Variants in LRP5 observed in about 807,000 individuals in gnomAD.
The protein encoded by LRP5 is LDL receptor related protein 5.
Under a neutral mutation model 154.1 loss-of-function variants are expected in LRP5, and 62 were observed. The observed-to-expected ratio is 0.40, with a 90% CI of 0.33 to 0.50. The LOEUF is 0.50. Among genes scored for constraint, LRP5 ranks in the 20% least tolerant of loss-of-function variants. The probability of loss-of-function intolerance (pLI) is 0.55; values close to 1 mark genes in which losing one functional copy is unlikely to be tolerated. For synonymous variants in LRP5, 966 were observed against 1,011.5 expected (o/e 0.96, Z 0.85); for missense variants, 1,915 against 2,336.7 (o/e 0.82, Z 3.72).
intron 1 of LRP5, among the ~76,000 whole-genome samples, chr11:68,321,302 T>C (rs1369377898): frequency 6.6e-6 from 1 of 152,150 alleles, no homozygotes; most frequent in Non-Finnish European, 1.5e-5. Flanking sequence ...TCAGAACATA[T>C]TTTAAGATCA....
chr11:68,338,224 T>C (rs2098606805), intron 1 of LRP5, among the ~76,000 whole-genome samples: 1 of 152,096 alleles, frequency 6.6e-6, no homozygotes, highest in East Asian at 1.9e-4. Flanking sequence ...TAATGCTTGG[T>C]GAATATATAT....
rs1325090213 is a variant in LRP5 at position 68,443,886 on chromosome 11, C to T, written c.4489-2550C>T. 5.3e-5 allele frequency among the ~76,000 whole-genome samples: 8 copies of T among 151,634 alleles called. No individual in the cohort carries two copies. In the East Asian group the frequency reaches 8.0e-4, roughly 15 times the overall value. On this transcript the variant is annotated intron_variant, in intron 21 of 22. Transcript: ENST00000294304. Reference sequence around the variant, plus strand: ...GTTGGTCAGGCTGGTCTCGAACTCGCGACCTCAGGTGATCCACCCACCTCG... The same window carrying T: ...GTTGGTCAGGCTGGTCTCGAACTCGTGACCTCAGGTGATCCACCCACCTCG...
Position 68,316,688 on chromosome 11 carries a change from C to T in LRP5, c.91+3883C>T, listed in dbSNP as rs145453766. ...GGTTGGTTGCATCTCCCAGCCGGCA[C>T]GAGCAGGTCTCATGCCTCCTGCATC... On this transcript the variant is annotated intron_variant, in intron 1 of 22. Transcript: ENST00000294304. Among the ~76,000 whole-genome samples, 58 of 152,328 alleles carry T rather than the reference C, an allele frequency of 3.8e-4. 1 individual carries two copies. Among genetic ancestry groups the T allele is most frequent in the Admixed American group, 1.0e-3 (16 of 15,306 alleles).
At chr11:68,334,291 GT>G (rs1321182002) in intron 1 of LRP5, among the ~76,000 whole-genome samples, 2 of 152,158 alleles carry the variant, frequency 1.3e-5, no homozygotes, top group East Asian at 3.9e-4. Flanking sequence ...ATGTAGAGGT[GT>G]CGGGGGTGAT....
intron 1 of LRP5, among the ~76,000 whole-genome samples, chr11:68,328,613 G>C (rs1280069146): frequency 1.3e-5 from 2 of 152,222 alleles, no homozygotes; most frequent in African/African-American, 4.8e-5. Context: ...ACTGTCGGGG[G>C]GTTTGGCAGC....
chr11:68,426,389 T>C (rs1179361661), intron 16 of LRP5, among the ~76,000 whole-genome samples: 3 of 151,184 alleles, frequency 2.0e-5, no homozygotes, highest in African/African-American at 7.3e-5. Flanking sequence ...GCAGAACAAA[T>C]CACCACGAAC....
intron 5 of LRP5, among the ~76,000 whole-genome samples, chr11:68,372,802 G>A (rs992032648): frequency 6.6e-6 from 1 of 152,108 alleles, no homozygotes; most frequent in Non-Finnish European, 1.5e-5. Context: ...AGGGGCAGTG[G>A]GGAGCACGGC....
In LRP5 at chr11:68,413,242, A is replaced by C; in HGVS notation, c.2504-447A>C. On this transcript the variant is annotated intron_variant, in intron 11 of 22. Transcript: ENST00000294304. This position sits in a 1 kb window ranked among gnomAD's most constrained non-coding sequence, Gnocchi z 5.1. ...GATGAAAACCAGCAAAAGCCCTGGA[A>C]ACTCATGTGACCCTGCCAATGAGGG... 2 of 277,314 alleles carry C rather than the reference A, an allele frequency of 7.2e-6. No homozygotes were observed. Among genetic ancestry groups the C allele is most frequent in the South Asian group, 1.4e-4 (2 of 14,126 alleles). The allele number at this position is 277,314 out of a possible 1,614,324, so 17.2% of individuals were successfully genotyped here.
intron 1 of LRP5, among the ~76,000 whole-genome samples, chr11:68,331,749 G>C (rs1370291572): frequency 1.9e-4 from 20 of 106,194 alleles, no homozygotes; most frequent in Non-Finnish European, 3.1e-4. Flanking sequence ...TGGGCTGTGT[G>C]TGTGTGTGTG....
At chr11:68,370,589 C>T (rs539133765) in intron 5 of LRP5, among the ~76,000 whole-genome samples, 83 of 152,296 alleles carry the variant, frequency 5.4e-4, no homozygotes, top group African/African-American at 1.8e-3. Flanking sequence ...ATTCCAGAGC[C>T]GTCAGGGCCG....
intron 2 of LRP5, among the ~76,000 whole-genome samples, chr11:68,351,453 G>C (rs2098618458): frequency 6.6e-6 from 1 of 152,198 alleles, no homozygotes; most frequent in African/African-American, 2.4e-5. Flanking sequence ...TCTCTGGCTA[G>C]GAGGGGGCAT....
chr11:68,300,489 C>T, the LRP5 span, among the ~76,000 whole-genome samples: 1 of 149,542 alleles, frequency 6.7e-6, no homozygotes, highest in African/African-American at 2.4e-5. Flanking sequence ...CCTCAGACAG[C>T]AAAATAGATG....
At chr11:68,368,064 C>CAAA (rs35969123) in intron 5 of LRP5, among the ~76,000 whole-genome samples, 4 of 94,620 alleles carry the variant, frequency 4.2e-5, no homozygotes, top group African/African-American at 1.7e-4. Flanking sequence ...GACCCTGTCT[C>CAAA]AAAAAAAAAA....
intron 7 of LRP5, among the ~76,000 whole-genome samples, chr11:68,399,493 T>C (rs1017274437): frequency 1.3e-5 from 2 of 152,238 alleles, no homozygotes; most frequent in Non-Finnish European, 2.9e-5. Flanking sequence ...ATATTTTCTA[T>C]CCTTTACAAA....
chr11:68,404,389 C>G, intron 8 of LRP5: 1 of 516,702 alleles, frequency 1.9e-6, no homozygotes, highest in Non-Finnish European at 3.8e-6. Flanking sequence ...GGACGTGATG[C>G]TTGCTGCTGC....
chr11:68,366,457 C>T (rs1231603767), intron 5 of LRP5, among the ~76,000 whole-genome samples: 1 of 152,146 alleles, frequency 6.6e-6, no homozygotes, highest in Non-Finnish European at 1.5e-5. Flanking sequence ...TGTCTGAGCA[C>T]ATGGGGGTCC....
chr11:68,312,415 C>T (rs2098588656), upstream of LRP5, among the ~76,000 whole-genome samples: 5 of 150,356 alleles, frequency 3.3e-5, no homozygotes, highest in Admixed American at 3.3e-4. Context: ...CAGGGCAGGG[C>T]GGGGAGCGCG....
At chr11:68,365,802 C>A in intron 5 of LRP5, 100 bp downstream of exon 5, 1 of 1,223,080 alleles carries the variant, frequency 8.2e-7, no homozygotes, top group Non-Finnish European at 1.1e-6. Flanking sequence ...TCGGCAAACC[C>A]GTTCGAAATG....
the LRP5 span, among the ~76,000 whole-genome samples, chr11:68,307,385 G>A: frequency 2.0e-5 from 3 of 151,986 alleles, no homozygotes; most frequent in Admixed American, 6.6e-5. Context: ...TAGGATTATA[G>A]GCCGGGGGGT....
Sources: gnomAD v4.1 joint callset for allele counts (sites outside exome capture counted in the v4.1 genomes callset) on GRCh38, gnomAD v4.1.1 for gene constraint, Gnocchi (gnomAD v3.1) non-coding constraint, MANE v1.5 for transcripts, NCBI Gene and HGNC (gene_info 2026-07-23, HGNC 2026-07-21) for gene names.